Variants in HDAC9 observed in about 807,000 individuals in gnomAD.
HDAC9 encodes the protein MEF-2 interacting transcription repressor (MITR) protein.
Under a neutral mutation model 139.4 loss-of-function variants are expected in HDAC9, and 41 were observed. That is an observed-to-expected ratio of 0.29 (90% CI 0.23 to 0.38). The LOEUF is 0.38. Ranked by LOEUF, HDAC9 falls within the 10% of genes least tolerant of loss-of-function variation. HDAC9 has a pLI of 1.00. For missense variants in HDAC9, 1,147 were observed against 1,297.0 expected (o/e 0.88, Z 1.78); for synonymous variants, 517 against 476.2 (o/e 1.09, Z -1.12).
intron 1 of HDAC9, among the ~76,000 whole-genome samples, chr7:18,293,728 T>C (rs1448078034): frequency 2.0e-5 from 3 of 152,128 alleles, no homozygotes; most frequent in Non-Finnish European, 4.4e-5. Context: ...ATTTAGCTTG[T>C]CAGTGTCCAC....
intron 2 of HDAC9, among the ~76,000 whole-genome samples, chr7:18,265,713 G>A (rs1454137296): frequency 1.3e-5 from 2 of 152,088 alleles, no homozygotes; most frequent in African/African-American, 2.4e-5. Flanking sequence ...AAATTTAGGA[G>A]AGTAGCAGTG....
intron 25 of HDAC9, among the ~76,000 whole-genome samples, chr7:18,993,376 CACTG>C (rs1240780379): frequency 1.3e-5 from 2 of 152,284 alleles, no homozygotes; most frequent in South Asian, 4.1e-4. Context: ...AATCTAGAGA[CACTG>C]ACTGACTGAT....
chr7:18,593,408 C>T (rs767284388), intron 5 of HDAC9, among the ~76,000 whole-genome samples: 1 of 151,940 alleles, frequency 6.6e-6, no homozygotes, highest in Non-Finnish European at 1.5e-5. Context: ...TGAAACTGCC[C>T]CAGAAGTCAG....
intron 1 of HDAC9, among the ~76,000 whole-genome samples, chr7:18,419,155 A>G (rs77552876): frequency 0.012 from 1,857 of 152,276 alleles, 35 homozygotes; most frequent in African/African-American, 0.042. Flanking sequence ...TTGTTTCCTA[A>G]TATTATTTCT....
At chr7:18,255,116 AT>A (rs1795147406) in intron 2 of HDAC9, among the ~76,000 whole-genome samples, 1 of 152,186 alleles carries the variant, frequency 6.6e-6, no homozygotes, top group Non-Finnish European at 1.5e-5. Flanking sequence ...TATTCATTTA[AT>A]AGACATTTAA....
At chr7:18,700,810 C>T (rs1204205449) in intron 12 of HDAC9, among the ~76,000 whole-genome samples, 1 of 152,174 alleles carries the variant, frequency 6.6e-6, no homozygotes, top group East Asian at 1.9e-4. Flanking sequence ...GGCACAAGTG[C>T]TCCCAGTAGC....
At chr7:18,210,463 C>T (rs1434479316) in intron 2 of HDAC9, among the ~76,000 whole-genome samples, 1 of 152,106 alleles carries the variant, frequency 6.6e-6, no homozygotes, top group Non-Finnish European at 1.5e-5. Context: ...TCAAATATAA[C>T]TCGCATTTTA....
chr7:18,315,567 G>C (rs1353721564), intron 1 of HDAC9, among the ~76,000 whole-genome samples: 1 of 152,206 alleles, frequency 6.6e-6, no homozygotes, highest in Non-Finnish European at 1.5e-5. Flanking sequence ...CAGGCTTTAG[G>C]CTAGGATCAG....
intron 2 of HDAC9, among the ~76,000 whole-genome samples, chr7:18,517,267 C>G (rs536677489): frequency 6.6e-6 from 1 of 152,280 alleles, no homozygotes; most frequent in East Asian, 1.9e-4. Flanking sequence ...TCACGGCTTG[C>G]CACCTGACTC....
At chr7:18,494,783 G>T (rs139047899), upstream of HDAC9, among the ~76,000 whole-genome samples, 19 of 151,968 alleles carry the variant, frequency 1.3e-4, no homozygotes, top group East Asian at 1.4e-3. Flanking sequence ...AACAGTCATA[G>T]TTGGGTACTA....
At chr7:18,872,974 A>G (rs1440357790) in intron 21 of HDAC9, among the ~76,000 whole-genome samples, 1 of 152,152 alleles carries the variant, frequency 6.6e-6, no homozygotes, top group Non-Finnish European at 1.5e-5. Flanking sequence ...GGATTAATAA[A>G]ATTAAATTGA....
intron 2 of HDAC9, among the ~76,000 whole-genome samples, chr7:18,187,803 A>T (rs1470216409): frequency 6.6e-6 from 1 of 152,184 alleles, no homozygotes; most frequent in African/African-American, 2.4e-5. Flanking sequence ...GTCAGTAATC[A>T]CAAGGCATTC....
intron 17 of HDAC9, among the ~76,000 whole-genome samples, chr7:18,821,946 A>G (rs1795006369): frequency 6.6e-6 from 1 of 152,238 alleles, no homozygotes; most frequent in Admixed American, 6.5e-5. Context: ...AGGAACAGCC[A>G]GATGGAAGAG....
At chr7:18,210,886 T>C (rs1791892468) in intron 2 of HDAC9, among the ~76,000 whole-genome samples, 1 of 152,228 alleles carries the variant, frequency 6.6e-6, no homozygotes, top group Admixed American at 6.5e-5. Flanking sequence ...CATTATTATC[T>C]GTTTTTATCA....
chr7:18,436,030 C>G (rs1791172242), intron 1 of HDAC9, among the ~76,000 whole-genome samples: 1 of 151,512 alleles, frequency 6.6e-6, no homozygotes, highest in South Asian at 2.1e-4. Flanking sequence ...GTTGCCCAGG[C>G]TGGTCTGGAA....
At position 18,100,867 on chromosome 7, in the gene HDAC9, AT is replaced by A. The variant is rs547960104; in HGVS notation, c.-97+13662del. On this transcript the variant is annotated intron_variant, in intron 1 of 12. Coordinates refer to the HDAC9 transcript ENST00000417496. ...TATATTCCTATAAATCTTCTTGAGT[AT>A]TTTTTTTCTGGGATGCAATTAGTTA... Among the ~76,000 whole-genome samples, 350 of 151,644 alleles carry A rather than the reference AT, an allele frequency of 2.3e-3. 2 individuals carry two copies. The highest frequency in any genetic ancestry group is 0.01 in the Middle Eastern group (3 of 294).
At chr7:18,990,374 A>G (rs998130769) in intron 25 of HDAC9, among the ~76,000 whole-genome samples, 6 of 152,204 alleles carry the variant, frequency 3.9e-5, no homozygotes, top group Non-Finnish European at 7.3e-5. Flanking sequence ...GTCAGGGGTC[A>G]GGGACCCACT....
At chr7:18,335,083 T>A (rs1490080887) in intron 1 of HDAC9, among the ~76,000 whole-genome samples, 1 of 151,116 alleles carries the variant, frequency 6.6e-6, no homozygotes, top group Non-Finnish European at 1.5e-5. Flanking sequence ...AAGCTGGGAG[T>A]GAGGGATTGA....
intron 16 of HDAC9, among the ~76,000 whole-genome samples, chr7:18,777,443 G>A (rs570912924): frequency 6.6e-6 from 1 of 152,020 alleles, no homozygotes; most frequent in South Asian, 2.1e-4. Flanking sequence ...TATCTGAACT[G>A]TGAGATTTGG....
Sources: gnomAD v4.1 joint callset for allele counts (sites outside exome capture counted in the v4.1 genomes callset) on GRCh38, gnomAD v4.1.1 for gene constraint, MANE v1.5 for transcripts, NCBI Gene and HGNC (gene_info 2026-07-23, HGNC 2026-07-21) for gene names.